Variants in ABAT observed in about 807,000 individuals in gnomAD.
ABAT encodes 4-aminobutyrate aminotransferase.
A neutral mutation model predicts 64.6 loss-of-function variants in ABAT; 45 were observed. That is an observed-to-expected ratio of 0.70 (90% CI 0.55 to 0.89). The LOEUF is 0.89. Ranked by LOEUF, ABAT falls within the 40% of genes least tolerant of loss-of-function variation. The pLI, the probability that ABAT is intolerant of heterozygous loss-of-function variation, is 0.00. For synonymous variants in ABAT, 297 were observed against 250.5 expected (o/e 1.19, Z -1.75); for missense variants, 633 against 658.4 (o/e 0.96, Z 0.42).
chr16:8,775,096 AG>A, intron 13 of ABAT, 39 bp downstream of exon 13: 1 of 1,613,780 alleles, frequency 6.2e-7, no homozygotes, highest in Non-Finnish European at 8.5e-7. Context: ...TCCAGGGCAG[AG>A]AAGGGAGCAT....
At chr16:8,709,563 G>A (rs1011052014) in intron 1 of ABAT, among the ~76,000 whole-genome samples, 29 of 152,084 alleles carry the variant, frequency 1.9e-4, no homozygotes, top group South Asian at 4.2e-4. Flanking sequence ...CAGTAGAGAC[G>A]GGGTTTCACC....
chr16:8,770,282 C>T (rs535937334), intron 11 of ABAT, among the ~76,000 whole-genome samples: 11 of 152,142 alleles, frequency 7.2e-5, no homozygotes, highest in African/African-American at 9.6e-5. Context: ...GGACTACAGG[C>T]GCTTGACACC....
At position 8,703,001 on chromosome 16, in the gene ABAT, G is replaced by A. The variant is rs371626250; in HGVS notation, c.-42+28290G>A. 1.2e-4 allele frequency among the ~76,000 whole-genome samples: 19 copies of A among 152,198 alleles called. No individual in the cohort carries two copies. The East Asian group carries it at 1.4e-3, about 11-fold the overall frequency. ...GATGGACTAGGTGTGATGCATGAGAGTGTGCCAGGAAGATGCAGGCACCGA... is the reference window on the plus strand; with the variant it reads ...GATGGACTAGGTGTGATGCATGAGAATGTGCCAGGAAGATGCAGGCACCGA... On this transcript the variant is annotated intron_variant, in intron 1 of 15. Transcript: ENST00000268251.
chr16:8,769,054 C>T, intron 11 of ABAT, 81 bp downstream of exon 11: 2 of 1,589,058 alleles, frequency 1.3e-6, no homozygotes, highest in Non-Finnish European at 1.7e-6. Context: ...AGAAGAGAAA[C>T]AGATGAAGGG....
chr16:8,733,352 G>T (rs1260999026), intron 1 of ABAT, among the ~76,000 whole-genome samples: 4 of 151,220 alleles, frequency 2.6e-5, no homozygotes. Flanking sequence ...TCCAGACTGG[G>T]CAGCCAGGCC....
chr16:8,727,301 C>T (rs897984684), intron 1 of ABAT, among the ~76,000 whole-genome samples: 1 of 152,070 alleles, frequency 6.6e-6, no homozygotes, highest in Admixed American at 6.6e-5. Context: ...TCCAGATGAC[C>T]GCACCTTCAC....
intron 6 of ABAT, chr16:8,760,337 C>T (rs2059761260): frequency 6.6e-6 from 1 of 152,154 alleles, no homozygotes; most frequent in South Asian, 2.1e-4. Context: ...GGAACTTGAT[C>T]CCAGAAAGAA....
At chr16:8,676,427 C>CACA (rs2057204329) in intron 1 of ABAT, among the ~76,000 whole-genome samples, 1 of 152,048 alleles carries the variant, frequency 6.6e-6, no homozygotes, top group Non-Finnish European at 1.5e-5. Flanking sequence ...GACTTGGGGA[C>CACA]TGCTGGGTCC....
intron 6 of ABAT, among the ~76,000 whole-genome samples, chr16:8,761,575 T>C (rs2059798715): frequency 6.6e-6 from 1 of 152,212 alleles, no homozygotes; most frequent in Non-Finnish European, 1.5e-5. Flanking sequence ...CTGGGTTGGG[T>C]TGTTCTGCAG....
At position 8,776,308 on chromosome 16, in the gene ABAT, T is replaced by G; in HGVS notation, c.1123-36T>G. On this transcript the variant is annotated intron_variant, in intron 13 of 15. Transcript: ENST00000268251. The surrounding 1 kb of genome is among the most constrained non-coding windows in gnomAD (Gnocchi z 4.4). ...AAGTGACTCCTGCAGGGTGTGCATG[T>G]GTGTGAAGCCTTCCAACACCCGTTC... 2 of 1,613,938 alleles carry G rather than the reference T, an allele frequency of 1.2e-6. No homozygotes were observed. The highest frequency in any genetic ancestry group is 8.5e-7 in the Non-Finnish European group (1 of 1,180,018).
chr16:8,682,040 C>T (rs553569083), intron 1 of ABAT, among the ~76,000 whole-genome samples: 2 of 152,248 alleles, frequency 1.3e-5, no homozygotes, highest in East Asian at 1.9e-4. Context: ...ATACCTTCCT[C>T]CACGTTGTGA....
At chr16:8,700,911 C>CT (rs1174749864) in intron 1 of ABAT, among the ~76,000 whole-genome samples, 33,347 of 131,474 alleles carry the variant, frequency 0.25, 4,072 homozygotes, top group Admixed American at 0.31. Flanking sequence ...GGCCTTAATT[C>CT]TTTTTTTTTT....
chr16:8,784,215 A>G lies in ABAT; in HGVS notation c.*2785A>G, dbSNP rs371454365. On this transcript the variant is annotated 3_prime_UTR_variant, in exon 16 of 16. Coordinates refer to ENST00000268251, the MANE Select transcript of ABAT (RefSeq NM_020686.6). ...CAGCAAGTGTCATCACTTTTACAGA[A>G]AACAAGGTCCAGTAATAGCAAGTCT... The G allele has an allele frequency of 1.6e-4, 24 of 152,772 alleles. No homozygotes were observed. The highest frequency in any genetic ancestry group is 5.5e-4 in the African/African-American group (23 of 41,562). 9.5% of individuals were successfully genotyped at this position (152,772 alleles called of 1,614,324 possible).
intron 5 of ABAT, among the ~76,000 whole-genome samples, chr16:8,751,814 G>A (rs906110041): frequency 2.6e-5 from 4 of 152,076 alleles, no homozygotes; most frequent in Admixed American, 1.3e-4. Context: ...CCCCAGCCTC[G>A]CCTCCCAGCC....
intron 1 of ABAT, among the ~76,000 whole-genome samples, chr16:8,677,537 A>C (rs892290824): frequency 6.6e-6 from 1 of 152,124 alleles, no homozygotes; most frequent in Non-Finnish European, 1.5e-5. Context: ...GGTCTAGATG[A>C]GGGGTTCTCA....
intron 6 of ABAT, among the ~76,000 whole-genome samples, chr16:8,763,707 T>C (rs2059860772): frequency 6.6e-6 from 1 of 152,216 alleles, no homozygotes; most frequent in Non-Finnish European, 1.5e-5. Flanking sequence ...CTCTGCCTGT[T>C]TTTTAGCCAT....
At chr16:8,733,250 C>T (rs1192899323) in intron 1 of ABAT, among the ~76,000 whole-genome samples, 1 of 151,146 alleles carries the variant, frequency 6.6e-6, no homozygotes, top group African/African-American at 2.5e-5. Flanking sequence ...CGGGCAGAGA[C>T]GCTCCTCACT....
chr16:8,781,665 T>C lies in ABAT; in HGVS notation c.*235T>C. ...CACATTGGTTTAAGCCCAGAGATCC[T>C]GCTTGAGCCCTGGACTCATCTTGGG... On this transcript the variant is annotated 3_prime_UTR_variant, in exon 16 of 16. Transcript: ENST00000268251. The surrounding 1 kb of genome is among the most constrained non-coding windows in gnomAD (Gnocchi z 4.5). The C allele has an allele frequency of 1.6e-6, 1 of 608,028 alleles. No homozygotes were observed. Among genetic ancestry groups the C allele is most frequent in the Non-Finnish European group, 2.9e-6 (1 of 342,406 alleles). The allele number at this position is 608,028 out of a possible 1,614,324, so 37.7% of individuals were successfully genotyped here.
Position 8,783,348 on chromosome 16 carries a change from A to C in ABAT, c.*1918A>C, listed in dbSNP as rs1048543203. 6.6e-6 allele frequency: 1 copy of C among 152,204 alleles called. No homozygotes were observed. Among genetic ancestry groups the C allele is most frequent in the South Asian group, 2.1e-4 (1 of 4,826 alleles). 9.4% of individuals were successfully genotyped at this position (152,204 alleles called of 1,614,324 possible). A position where few individuals can be genotyped will look rare whatever the true frequency, so the allele number is the denominator to read the frequency against. On this transcript the variant is annotated 3_prime_UTR_variant, in exon 16 of 16. Coordinates refer to ENST00000268251, the MANE Select transcript of ABAT (RefSeq NM_020686.6). ...AGACTCTTAAACTAACAATTCAAGC[A>C]GGCGCCAAGTGCTATGACAGAGGTG...
Sources: gnomAD v4.1 joint callset for allele counts (sites outside exome capture counted in the v4.1 genomes callset) on GRCh38, gnomAD v4.1.1 for gene constraint, Gnocchi (gnomAD v3.1) non-coding constraint, MANE v1.5 for transcripts, NCBI Gene and HGNC (gene_info 2026-07-23, HGNC 2026-07-21) for gene names.